ASTN2: variants seen among roughly 807,000 people sequenced by gnomAD.
ASTN2 encodes the protein astrotactin 2.
In ASTN2, 54 loss-of-function variants were observed where a neutral mutation model predicts 139.8. That is an observed-to-expected ratio of 0.39 (90% CI 0.31 to 0.48). The LOEUF (loss-of-function observed/expected upper bound fraction) is 0.48. Ranked by LOEUF, ASTN2 falls within the 20% of genes least tolerant of loss-of-function variation. ASTN2 has a pLI of 0.95. For missense variants in ASTN2, 1,565 were observed against 1,725.1 expected (o/e 0.91, Z 1.64); for synonymous variants, 756 against 719.5 (o/e 1.05, Z -0.81).
At chr9:117,398,163 A>T (rs1437204260) in intron 1 of ASTN2, among the ~76,000 whole-genome samples, 1 of 152,218 alleles carries the variant, frequency 6.6e-6, no homozygotes, top group East Asian at 1.9e-4. Flanking sequence ...CCTACAGGAA[A>T]TCTTGAGATA....
At chr9:117,016,606 ATATCTATATC>A (rs1564385639) in intron 6 of ASTN2, among the ~76,000 whole-genome samples, 1 of 17,296 alleles carries the variant, frequency 5.8e-5, no homozygotes, top group South Asian at 2.6e-3. Context: ...ATATATATCT[ATATCTATATC>A]TATCTATCTA....
At position 116,843,134 on chromosome 9, in the gene ASTN2, G is replaced by A. The variant is rs768093333; in HGVS notation, c.2040+20449C>T. ...AAATCGTTCTACCAAAAAGACACAC[G>A]CAACCGTGTGTTCATTGTTGCCCTA... On this transcript the variant is annotated intron_variant, in intron 11 of 22. Coordinates refer to ENST00000313400, the MANE Select transcript of ASTN2 (RefSeq NM_001365068.1). Among the ~76,000 whole-genome samples, 6 of 152,218 alleles carry A rather than the reference G, an allele frequency of 3.9e-5. No homozygotes were observed. The East Asian group carries it at 5.8e-4, about 15-fold the overall frequency.
chr9:116,438,435 T>C (rs1159132067), intron 22 of ASTN2, among the ~76,000 whole-genome samples: 1 of 152,204 alleles, frequency 6.6e-6, no homozygotes, highest in East Asian at 1.9e-4. Context: ...TTACCACTCC[T>C]GCTGTCACAC....
rs140712065 is a variant in ASTN2 at position 116,965,749 on chromosome 9, T to C, written c.1889+9459A>G. The stretch of plus-strand genomic sequence containing the variant: ...CTGAATCCCAAACCATCCTGATTCA[T>C]ACAGAGCAGAAAGGGCTTCCATGCA... On this transcript the variant is annotated intron_variant, in intron 10 of 22. Coordinates refer to ENST00000313400, the MANE Select transcript of ASTN2 (RefSeq NM_001365068.1). 1.2e-4 allele frequency among the ~76,000 whole-genome samples: 18 copies of C among 152,276 alleles called. No individual in the cohort carries two copies. The East Asian group carries it at 3.5e-3, about 29-fold the overall frequency.
At chr9:116,739,964 A>C (rs1402506315) in intron 13 of ASTN2, among the ~76,000 whole-genome samples, 1 of 152,210 alleles carries the variant, frequency 6.6e-6, no homozygotes, top group African/African-American at 2.4e-5. Context: ...TGAGTCTAAT[A>C]TTCCATAAGA....
At chr9:116,773,949 G>C (rs914429011) in intron 13 of ASTN2, among the ~76,000 whole-genome samples, 1 of 152,156 alleles carries the variant, frequency 6.6e-6, no homozygotes, top group African/African-American at 2.4e-5. Context: ...TTAAGAGAGA[G>C]GTTACTGTCT....
At chr9:116,501,716 G>C (rs375585465) in intron 19 of ASTN2, among the ~76,000 whole-genome samples, 1 of 151,950 alleles carries the variant, frequency 6.6e-6, no homozygotes, top group African/African-American at 2.4e-5. Flanking sequence ...GTGGGGGCAG[G>C]GGGGAGGGAT....
chr9:116,649,718 A>G (rs1042139418), intron 17 of ASTN2, among the ~76,000 whole-genome samples: 3 of 151,954 alleles, frequency 2.0e-5, no homozygotes, highest in Non-Finnish European at 4.4e-5. Flanking sequence ...CTTTATTTCA[A>G]TGCTGTCCCA....
intron 16 of ASTN2, among the ~76,000 whole-genome samples, chr9:116,677,888 T>A (rs1311720904): frequency 6.6e-6 from 1 of 152,156 alleles, no homozygotes; most frequent in Non-Finnish European, 1.5e-5. Flanking sequence ...AGTAATCCAA[T>A]TAAGAAACTG....
At chr9:116,970,707 G>C (rs1375183442) in intron 10 of ASTN2, among the ~76,000 whole-genome samples, 1 of 152,164 alleles carries the variant, frequency 6.6e-6, no homozygotes, top group Non-Finnish European at 1.5e-5. Flanking sequence ...AACTCAATGT[G>C]AAAACTATCA....
intron 19 of ASTN2, among the ~76,000 whole-genome samples, chr9:116,573,911 T>C (rs973833699): frequency 3.3e-5 from 5 of 152,132 alleles, no homozygotes; most frequent in African/African-American, 1.2e-4. Context: ...AAGCCATACG[T>C]TGTACTTAGA....
chr9:117,097,485 C>T (rs912091351), intron 4 of ASTN2, among the ~76,000 whole-genome samples: 1 of 152,030 alleles, frequency 6.6e-6, no homozygotes, highest in South Asian at 2.1e-4. Context: ...TAGATGGGCA[C>T]GGGAGAATAA....
At chr9:117,231,901 C>T (rs978301710) in intron 2 of ASTN2, among the ~76,000 whole-genome samples, 1 of 152,162 alleles carries the variant, frequency 6.6e-6, no homozygotes, top group Non-Finnish European at 1.5e-5. Flanking sequence ...GACCTAGAGG[C>T]TGCTGACTTG....
chr9:117,141,712 G>A (rs550991004), intron 3 of ASTN2, among the ~76,000 whole-genome samples: 11 of 152,296 alleles, frequency 7.2e-5, no homozygotes, highest in South Asian at 2.1e-4. Flanking sequence ...CATTTACTAC[G>A]TTCCAGGTAC....
chr9:116,578,619 CGTGTGTGTGTGTGTGTGTGTGTGTGT>C (rs71377254), intron 19 of ASTN2, among the ~76,000 whole-genome samples: 4 of 137,586 alleles, frequency 2.9e-5, no homozygotes, highest in African/African-American at 5.5e-5. Context: ...CTGGCTCCAA[CGTGTGTGTGTGTGTGTGTGTGTGTGT>C]GTGTGTGTGT....
At chr9:116,679,760 C>T (rs1859728081) in intron 16 of ASTN2, among the ~76,000 whole-genome samples, 1 of 152,166 alleles carries the variant, frequency 6.6e-6, no homozygotes, top group African/African-American at 2.4e-5. Context: ...GAACAACCTG[C>T]TCCTGAATGA....
At chr9:116,599,133 G>A (rs1160103319) in intron 19 of ASTN2, among the ~76,000 whole-genome samples, 1 of 152,184 alleles carries the variant, frequency 6.6e-6, no homozygotes, top group Non-Finnish European at 1.5e-5. Flanking sequence ...ACGACCTAGA[G>A]TTTCCATGCA....
chr9:116,513,567 C>T (rs971894026), intron 19 of ASTN2, among the ~76,000 whole-genome samples: 9 of 152,166 alleles, frequency 5.9e-5, no homozygotes, highest in Non-Finnish European at 1.0e-4. Context: ...GTTGGGGAAG[C>T]TCTTCTGGAT....
chr9:117,316,504 G>C (rs1828148816), intron 1 of ASTN2, among the ~76,000 whole-genome samples: 1 of 152,188 alleles, frequency 6.6e-6, no homozygotes, highest in African/African-American at 2.4e-5. Flanking sequence ...AAGGGGTCAT[G>C]TGACGGCTCA....
Sources: allele counts gnomAD v4.1 joint callset (sites outside exome capture counted in the v4.1 genomes callset), GRCh38; gene constraint gnomAD v4.1.1; transcripts MANE v1.5; gene names NCBI Gene and HGNC (gene_info 2026-07-23, HGNC 2026-07-21).